Variants in WWOX observed in about 807,000 individuals in gnomAD.
WWOX encodes WW domain-containing oxidoreductase.
In WWOX, 69 loss-of-function variants were observed where a neutral mutation model predicts 46.2. That is an observed-to-expected ratio of 1.49 (90% CI 1.23 to 1.82). The LOEUF (loss-of-function observed/expected upper bound fraction) is 1.82. Ranked by LOEUF, WWOX falls within the 40% of genes most tolerant of loss-of-function variation. The probability of loss-of-function intolerance (pLI) is 0.00; values close to 1 mark genes in which losing one functional copy is unlikely to be tolerated. For missense variants in WWOX, 919 were observed against 542.6 expected, an observed-to-expected ratio of 1.69 and a Z score of -6.89; for synonymous variants, 359 against 202.6, an observed-to-expected ratio of 1.77 and a Z score of -6.56.
chr16:78,742,015 C>G (rs11862854), intron 8 of WWOX, among the ~76,000 whole-genome samples: 1,835 of 152,284 alleles, frequency 0.012, 42 homozygotes, highest in African/African-American at 0.042. Flanking sequence ...CTTCCCACCC[C>G]CTACGATGTC....
At chr16:79,206,588 A>C (rs1309963444) in intron 8 of WWOX, 1 of 152,222 alleles carries the variant, frequency 6.6e-6, no homozygotes, top group Non-Finnish European at 1.5e-5. Context: ...ATGTCACTTG[A>C]ATAGTACTCG....
intron 8 of WWOX, among the ~76,000 whole-genome samples, chr16:78,546,758 C>A (rs887124686): frequency 3.9e-5 from 6 of 152,130 alleles, no homozygotes; most frequent in Non-Finnish European, 8.8e-5. Flanking sequence ...AAAGCTCCAT[C>A]TAAAGAGATA....
At chr16:78,554,351 G>T (rs995199621) in intron 8 of WWOX, among the ~76,000 whole-genome samples, 1 of 152,090 alleles carries the variant, frequency 6.6e-6, no homozygotes, top group Non-Finnish European at 1.5e-5. Flanking sequence ...ATATCCTACC[G>T]CTCAAAGCCA....
chr16:78,497,175 G>C (rs1279200458), intron 8 of WWOX, among the ~76,000 whole-genome samples: 3 of 152,190 alleles, frequency 2.0e-5, no homozygotes, highest in Non-Finnish European at 4.4e-5. Context: ...TGTTTGGAAA[G>C]ACTCAATAGC....
chr16:78,974,235 T>C (rs1012216157), intron 8 of WWOX, among the ~76,000 whole-genome samples: 3 of 152,202 alleles, frequency 2.0e-5, no homozygotes, highest in Non-Finnish European at 4.4e-5. Context: ...TCTTTTGGAT[T>C]TGTGTTAGAG....
intron 8 of WWOX, among the ~76,000 whole-genome samples, chr16:79,045,517 A>G (rs1045537501): frequency 6.6e-6 from 1 of 152,192 alleles, no homozygotes; most frequent in African/African-American, 2.4e-5. Context: ...CCTTACTTGG[A>G]TGAGAAATTT....
At chr16:78,998,643 T>C (rs2047035743) in intron 8 of WWOX, among the ~76,000 whole-genome samples, 1 of 152,206 alleles carries the variant, frequency 6.6e-6, no homozygotes, top group South Asian at 2.1e-4. Context: ...TTAGATGACT[T>C]TGATGTGTGT....
At chr16:78,285,447 T>TAAAAATA (rs1567478235) in intron 5 of WWOX, among the ~76,000 whole-genome samples, 2 of 149,332 alleles carry the variant, frequency 1.3e-5, no homozygotes, top group African/African-American at 4.9e-5. Context: ...AAATAAAAAC[T>TAAAAATA]AAAAAAAAAA....
intron 8 of WWOX, among the ~76,000 whole-genome samples, chr16:78,773,911 T>C (rs1425891891): frequency 6.6e-6 from 1 of 152,190 alleles, no homozygotes; most frequent in East Asian, 1.9e-4. Flanking sequence ...AGAATTGGAA[T>C]TTAACACAGT....
intron 8 of WWOX, among the ~76,000 whole-genome samples, chr16:78,670,630 T>G (rs952609517): frequency 6.6e-6 from 1 of 152,052 alleles, no homozygotes; most frequent in Non-Finnish European, 1.5e-5. Context: ...ATCTGGAACC[T>G]CAGAATGTGA....
intron 8 of WWOX, among the ~76,000 whole-genome samples, chr16:78,975,145 A>G (rs904462743): frequency 6.6e-6 from 1 of 152,246 alleles, no homozygotes; most frequent in Non-Finnish European, 1.5e-5. Context: ...CCAGTCCTTA[A>G]AAAGTCAACA....
At chr16:78,299,524 T>TTC (rs200874785) in intron 5 of WWOX, among the ~76,000 whole-genome samples, 5 of 149,820 alleles carry the variant, frequency 3.3e-5, no homozygotes, top group South Asian at 2.1e-4. Flanking sequence ...TTCTTTTCTT[T>TTC]TTTTTTTTTT....
chr16:78,593,764 C>G (rs865844750), intron 8 of WWOX, among the ~76,000 whole-genome samples: 1 of 151,650 alleles, frequency 6.6e-6, no homozygotes, highest in African/African-American at 2.4e-5. Context: ...GAGACTGATA[C>G]ACAAAGAGAA....
intron 8 of WWOX, among the ~76,000 whole-genome samples, chr16:78,749,881 G>C (rs1207241514): frequency 1.3e-5 from 2 of 152,286 alleles, no homozygotes; most frequent in East Asian, 3.9e-4. Flanking sequence ...TACCAAGTTT[G>C]ACTTTCTTCA....
At chr16:79,200,259 G>C (rs1003967119) in intron 8 of WWOX, among the ~76,000 whole-genome samples, 1 of 152,186 alleles carries the variant, frequency 6.6e-6, no homozygotes, top group South Asian at 2.1e-4. Context: ...CTGCTGGTCT[G>C]TGGAGAGGGC....
intron 4 of WWOX, among the ~76,000 whole-genome samples, chr16:78,163,755 A>G (rs2034876158): frequency 6.6e-6 from 1 of 152,208 alleles, no homozygotes; most frequent in Non-Finnish European, 1.5e-5. Flanking sequence ...ACCATAGAGT[A>G]GAGCATAAAG....
chr16:78,578,718 C>G (rs150571185), intron 8 of WWOX, among the ~76,000 whole-genome samples: 1 of 152,198 alleles, frequency 6.6e-6, no homozygotes, highest in Admixed American at 6.5e-5. Flanking sequence ...GGAAAAAGAT[C>G]AATATGATGC....
intron 5 of WWOX, among the ~76,000 whole-genome samples, chr16:78,174,992 A>T (rs866684858): frequency 1.3e-5 from 1 of 78,900 alleles, no homozygotes; most frequent in African/African-American, 4.8e-5. Context: ...TGTCTCAAAA[A>T]TAATAGTAAT....
At chr16:78,501,159 C>T (rs1262544313) in intron 8 of WWOX, among the ~76,000 whole-genome samples, 3 of 131,886 alleles carry the variant, frequency 2.3e-5, no homozygotes, top group East Asian at 4.5e-4. Context: ...ACCCTCACTG[C>T]AATACATGTT....
Sources: gnomAD v4.1 joint callset for allele counts (sites outside exome capture counted in the v4.1 genomes callset) on GRCh38, gnomAD v4.1.1 for gene constraint, MANE v1.5 for transcripts, NCBI Gene and HGNC (gene_info 2026-07-23, HGNC 2026-07-21) for gene names.